HS3ST3B1: variants seen among roughly 807,000 people sequenced by gnomAD.
The protein encoded by HS3ST3B1 is heparan sulfate-glucosamine 3-sulfotransferase 3B1, also known as heparan sulfate glucosamine 3-O-sulfotransferase 3B1.
Under a neutral mutation model 21.3 loss-of-function variants are expected in HS3ST3B1, and 13 were observed. The observed-to-expected ratio is 0.61, with a 90% CI of 0.40 to 0.97. The LOEUF is 0.97. Among genes scored for constraint, HS3ST3B1 ranks in the 50% least tolerant of loss-of-function variants. HS3ST3B1 has a pLI of 0.00. For missense variants in HS3ST3B1, 459 were observed against 554.8 expected, an observed-to-expected ratio of 0.83 and a Z score of 1.73; for synonymous variants, 234 against 254.8, an observed-to-expected ratio of 0.92 and a Z score of 0.78.
chr17:14,340,708 G>A (rs7207809), intron 1 of HS3ST3B1, among the ~76,000 whole-genome samples: 24,552 of 151,998 alleles, frequency 0.16, 2,013 homozygotes, highest in Middle Eastern at 0.2. Flanking sequence ...TCAGCCTCCC[G>A]AGTAGCCAGG....
intron 1 of HS3ST3B1, among the ~76,000 whole-genome samples, chr17:14,343,865 G>C (rs1010283180): frequency 6.6e-5 from 10 of 151,424 alleles, no homozygotes; most frequent in African/African-American, 2.2e-4. Context: ...CCAGAAATGG[G>C]ATTGCTGGAT....
At chr17:14,302,434 C>A (rs1908966864) in intron 1 of HS3ST3B1, among the ~76,000 whole-genome samples, 1 of 152,140 alleles carries the variant, frequency 6.6e-6, no homozygotes, top group Non-Finnish European at 1.5e-5. Context: ...TAAATTTTTT[C>A]CTCCCGGAGC....
intron 1 of HS3ST3B1, among the ~76,000 whole-genome samples, chr17:14,343,259 A>G (rs1216271997): frequency 2.0e-5 from 3 of 152,114 alleles, no homozygotes; most frequent in Non-Finnish European, 4.4e-5. Flanking sequence ...AAAAAAGAAA[A>G]GAAAAGAAAG....
At chr17:14,335,437 G>A (rs1023893433) in intron 1 of HS3ST3B1, among the ~76,000 whole-genome samples, 7 of 152,112 alleles carry the variant, frequency 4.6e-5, no homozygotes, top group African/African-American at 1.7e-4. Flanking sequence ...GCTCATGCCT[G>A]TAATCCCAAC....
chr17:14,305,616 C>T (rs1909108499), intron 1 of HS3ST3B1: 1 of 152,144 alleles, frequency 6.6e-6, no homozygotes, highest in African/African-American at 2.4e-5. Context: ...GTTTGTTATA[C>T]AAAAATATGC....
At chr17:14,342,473 G>A (rs1486823066) in intron 1 of HS3ST3B1, among the ~76,000 whole-genome samples, 2 of 152,088 alleles carry the variant, frequency 1.3e-5, no homozygotes, top group South Asian at 2.1e-4. Flanking sequence ...ATACAAACTA[G>A]CGCTTATACA....
chr17:14,344,848 C>G (rs916099559), intron 1 of HS3ST3B1, among the ~76,000 whole-genome samples, 180 bp from the exon 2 acceptor site: 2 of 152,136 alleles, frequency 1.3e-5, no homozygotes, highest in African/African-American at 2.4e-5. Flanking sequence ...TGGTACCTGC[C>G]CTCCAAACCA....
rs1236415139 is a variant in HS3ST3B1, at chr17:14,347,245, C to T, written c.*1599C>T. ...CAGGTCTTGACAGAAGGGTTACCAG[C>T]ACTGTCACTGCTCTACAGAATGCTC... On this transcript the variant is annotated 3_prime_UTR_variant, in exon 2 of 2. Coordinates refer to ENST00000360954, the MANE Select transcript of HS3ST3B1 (RefSeq NM_006041.3). The T allele has an allele frequency of 6.6e-6, 1 of 152,200 alleles. No individual in the cohort carries two copies. The highest frequency in any genetic ancestry group is 1.5e-5 in the Non-Finnish European group (1 of 68,030). 9.4% of individuals were successfully genotyped at this position (152,200 alleles called of 1,614,324 possible).
Position 14,301,135 on chromosome 17 carries a change from T to G in HS3ST3B1, c.-384T>G. On this transcript the variant is annotated 5_prime_UTR_variant, in exon 1 of 2. Transcript: ENST00000360954. ...AGTGCCGGGGCTGCTCGAGGCTCAG[T>G]TCTTAGGACTGCAAGGAGGCAGCCC... is the stretch of plus-strand genomic sequence containing the variant. 1.3e-5 allele frequency: 3 copies of G among 227,894 alleles called. No individual in the cohort carries two copies. The highest frequency in any genetic ancestry group is 2.3e-5 in the African/African-American group (1 of 43,860). The allele number at this position is 227,894 out of a possible 1,614,324, so 14.1% of individuals were successfully genotyped here.
intron 1 of HS3ST3B1, among the ~76,000 whole-genome samples, chr17:14,331,703 G>T (rs1319592581): frequency 6.6e-6 from 1 of 152,154 alleles, no homozygotes. Flanking sequence ...ATCCTGCTGC[G>T]AAACCTGAAA....
At chr17:14,315,554 G>C (rs1909470200) in intron 1 of HS3ST3B1, among the ~76,000 whole-genome samples, 1 of 152,180 alleles carries the variant, frequency 6.6e-6, no homozygotes, top group Non-Finnish European at 1.5e-5. Context: ...TGGGTGTGGT[G>C]GCTCATGCCT....
At position 14,345,381 on chromosome 17, in the gene HS3ST3B1, A is replaced by G. The variant is rs1239716268; in HGVS notation, c.908A>G (p.Asp303Gly). ...GTGAGCGGCGAGCGGCTCATCAGCG[A>G]CCCGGCCGGGGAGCTGGGCCGCGTG... ...LFVSGERLIS[D>G]PAGELGRVQD... The change falls in exon 2 of 2, where the codon GAC (aspartate) becomes GGC (glycine). Residue 303 changes from aspartate (D) to glycine (G), a missense_variant. Coordinates refer to ENST00000360954, the MANE Select transcript of HS3ST3B1 (RefSeq NM_006041.3). 1 of 1,162,690 alleles carries G rather than the reference A, an allele frequency of 8.6e-7. No individual in the cohort carries two copies. Among genetic ancestry groups the G allele is most frequent in the East Asian group, 2.6e-5 (1 of 39,060 alleles). 72.0% of individuals were successfully genotyped at this position (1,162,690 alleles called of 1,614,324 possible). A position where few individuals can be genotyped will look rare whatever the true frequency, so the allele number is the denominator to read the frequency against.
intron 1 of HS3ST3B1, among the ~76,000 whole-genome samples, chr17:14,331,356 T>A (rs768566441): frequency 1.3e-5 from 2 of 151,456 alleles, no homozygotes; most frequent in Non-Finnish European, 2.9e-5. Flanking sequence ...AAGCGGGGCC[T>A]ATAACCGAGG....
chr17:14,341,108 A>T (rs1910366633), intron 1 of HS3ST3B1, among the ~76,000 whole-genome samples: 1 of 152,064 alleles, frequency 6.6e-6, no homozygotes, highest in Middle Eastern at 3.2e-3. Context: ...CGGCTCAGGG[A>T]ATCTTTATTT....
intron 1 of HS3ST3B1, among the ~76,000 whole-genome samples, chr17:14,326,014 T>A (rs1173182088): frequency 6.6e-6 from 1 of 152,166 alleles, no homozygotes; most frequent in Non-Finnish European, 1.5e-5. Context: ...TCTGTGTGTG[T>A]GTGTGTACGT....
intron 1 of HS3ST3B1, among the ~76,000 whole-genome samples, chr17:14,309,875 G>A (rs1909251408): frequency 6.6e-6 from 1 of 152,158 alleles, no homozygotes; most frequent in Non-Finnish European, 1.5e-5. Flanking sequence ...AGGACACTTC[G>A]GCTTTTTCGG....
In HS3ST3B1 at chr17:14,301,435, C is replaced by G. The variant is rs1023380876; in HGVS notation, c.-84C>G. ...CGAGCCACCCGGGCGTCCAGCGTGC[C>G]GGGGAACCCTCTCTGCGCTCACTGC... On this transcript the variant is annotated 5_prime_UTR_variant, in exon 1 of 2. Transcript: ENST00000360954. The G allele has an allele frequency of 1.6e-6, 2 of 1,242,938 alleles. No homozygotes were observed. The highest frequency in any genetic ancestry group is 1.6e-5 in the African/African-American group (1 of 63,056). 77.0% of individuals were successfully genotyped at this position (1,242,938 alleles called of 1,614,324 possible). A position where few individuals can be genotyped will look rare whatever the true frequency, so the allele number is the denominator to read the frequency against.
rs546748067 is a variant in HS3ST3B1 at position 14,301,262 on chromosome 17, C to G, written c.-257C>G. On this transcript the variant is annotated 5_prime_UTR_variant, in exon 1 of 2. Coordinates refer to ENST00000360954, the MANE Select transcript of HS3ST3B1 (RefSeq NM_006041.3). ...TCGCGCCCCGGGAGCAGACCCTCGCCCAGCAGTTACCGCCGTCCCGACTTT... is the reference window on the plus strand; with the variant it reads ...TCGCGCCCCGGGAGCAGACCCTCGCGCAGCAGTTACCGCCGTCCCGACTTT... 3 of 491,682 alleles carry G rather than the reference C, an allele frequency of 6.1e-6. No individual in the cohort carries two copies. Among genetic ancestry groups the G allele is most frequent in the Non-Finnish European group, 7.1e-6 (2 of 282,368 alleles). The allele number at this position is 491,682 out of a possible 1,614,324, so 30.5% of individuals were successfully genotyped here.
chr17:14,311,529 G>C (rs1567636678), intron 1 of HS3ST3B1, among the ~76,000 whole-genome samples: 1 of 152,210 alleles, frequency 6.6e-6, no homozygotes, highest in Non-Finnish European at 1.5e-5. Context: ...TGATGAACCT[G>C]TGTTGACACG....
Sources: gnomAD v4.1 joint callset for allele counts (sites outside exome capture counted in the v4.1 genomes callset) on GRCh38, gnomAD v4.1.1 for gene constraint, MANE v1.5 for transcripts, NCBI Gene and HGNC (gene_info 2026-07-23, HGNC 2026-07-21) for gene names.